CLYBL: variants seen among roughly 807,000 people sequenced by gnomAD.
The protein encoded by CLYBL is citramalyl-CoA lyase, also known as citramalyl-CoA lyase, mitochondrial.
Under a neutral mutation model 38.9 loss-of-function variants are expected in CLYBL, and 31 were observed. The observed-to-expected ratio is 0.80, with a 90% confidence interval of 0.60 to 1.08. The LOEUF is 1.08. CLYBL is among the 50% of genes least tolerant of loss of function. The pLI is 0.00. For missense variants in CLYBL, 434 were observed against 411.6 expected (o/e 1.05, Z -0.47); for synonymous variants, 171 against 158.6 (o/e 1.08, Z -0.59).
intron 2 of CLYBL, among the ~76,000 whole-genome samples, chr13:99,838,245 C>T (rs1566348134): frequency 6.6e-6 from 1 of 152,082 alleles, no homozygotes; most frequent in South Asian, 2.1e-4. Flanking sequence ...CATTTTCCTA[C>T]CATAAGATGC....
At chr13:99,848,050 C>G (rs1466324128) in intron 2 of CLYBL, among the ~76,000 whole-genome samples, 1 of 152,186 alleles carries the variant, frequency 6.6e-6, no homozygotes, top group Non-Finnish European at 1.5e-5. Context: ...TTGCTGTGTT[C>G]CCTCACTGTT....
chr13:99,707,426 C>A (rs1052646913), intron 1 of CLYBL, among the ~76,000 whole-genome samples: 1 of 152,004 alleles, frequency 6.6e-6, no homozygotes, highest in South Asian at 2.1e-4. Flanking sequence ...TGCGCCACCA[C>A]GCCCGGCTAA....
intron 2 of CLYBL, among the ~76,000 whole-genome samples, chr13:99,824,232 T>A (rs886233377): frequency 6.6e-6 from 1 of 151,800 alleles, no homozygotes; most frequent in Non-Finnish European, 1.5e-5. Flanking sequence ...TTTTTTCTAC[T>A]AGCTTGAAAG....
At chr13:99,787,264 G>A (rs1369922084) in intron 2 of CLYBL, among the ~76,000 whole-genome samples, 3 of 152,120 alleles carry the variant, frequency 2.0e-5, no homozygotes, top group South Asian at 2.1e-4. Flanking sequence ...TAGACATGAA[G>A]TCCTTGCCCA....
chr13:99,700,327 C>G (rs2048045255), intron 1 of CLYBL, among the ~76,000 whole-genome samples: 1 of 152,118 alleles, frequency 6.6e-6, no homozygotes, highest in African/African-American at 2.4e-5. Context: ...CGCCTATGAT[C>G]CCAGCTACTC....
intron 2 of CLYBL, among the ~76,000 whole-genome samples, chr13:99,785,108 A>G (rs1195495862): frequency 6.8e-6 from 1 of 146,882 alleles, no homozygotes; most frequent in Admixed American, 6.9e-5. Context: ...GGCCAGGCTC[A>G]TCTCAAACTC....
At chr13:99,786,814 C>G (rs867686441) in intron 2 of CLYBL, among the ~76,000 whole-genome samples, 181 of 152,120 alleles carry the variant, frequency 1.2e-3, no homozygotes, top group African/African-American at 3.9e-3. Context: ...CTAGTTTACA[C>G]TCCCACCAAC....
rs1458391868 is a variant in CLYBL at position 99,714,748 on chromosome 13, G to A, written c.63-58076G>A. Among the ~76,000 whole-genome samples, 9 of 152,146 alleles carry A rather than the reference G, an allele frequency of 5.9e-5. No individual in the cohort carries two copies. The East Asian group carries it at 1.7e-3, about 29-fold the overall frequency. On this transcript the variant is annotated intron_variant, in intron 1 of 8. Coordinates refer to ENST00000339105, the MANE Select transcript of CLYBL (RefSeq NM_206808.5). ...GGATCACTTGAGGTCAGGAGTTCGA[G>A]ACCAGCCTGGCCAAAATGGTGAAAC...
chr13:99,820,305 C>T (rs1594203186), intron 2 of CLYBL, among the ~76,000 whole-genome samples: 1 of 152,270 alleles, frequency 6.6e-6, no homozygotes, highest in South Asian at 2.1e-4. Flanking sequence ...TCCTGCACTC[C>T]CGTGCACTCA....
chr13:99,899,046 G>T (rs150362295), downstream of CLYBL, among the ~76,000 whole-genome samples: 1 of 152,162 alleles, frequency 6.6e-6, no homozygotes, highest in African/African-American at 2.4e-5. Flanking sequence ...GTTAGGTTAC[G>T]TGCAGACAGA....
intron 1 of CLYBL, among the ~76,000 whole-genome samples, chr13:99,768,999 A>C (rs1202617935): frequency 1.3e-5 from 2 of 152,082 alleles, no homozygotes; most frequent in African/African-American, 4.8e-5. Context: ...CCCAAGGGAG[A>C]GGGGCTTGCA....
chr13:99,680,940 T>A (rs2047725746), intron 1 of CLYBL, among the ~76,000 whole-genome samples: 1 of 152,248 alleles, frequency 6.6e-6, no homozygotes, highest in South Asian at 2.1e-4. Context: ...ATCCACACAC[T>A]CTTTCCTATT....
At chr13:99,864,941 C>CTG (rs3831038) in intron 5 of CLYBL, 30 bp downstream of exon 5, 23,196 of 1,355,436 alleles carry the variant, frequency 0.017, 170 homozygotes, top group Middle Eastern at 0.029. Flanking sequence ...CTCTCTTTTT[C>CTG]TGTGTGTGTG....
intron 1 of CLYBL, among the ~76,000 whole-genome samples, chr13:99,640,658 G>A (rs558025546): frequency 3.3e-5 from 5 of 152,294 alleles, no homozygotes; most frequent in Admixed American, 2.6e-4. Flanking sequence ...GACGCAACAT[G>A]GTTTAAAAGG....
chr13:99,684,894 AAC>A (rs2047795506), intron 1 of CLYBL, among the ~76,000 whole-genome samples: 1 of 152,252 alleles, frequency 6.6e-6, no homozygotes, highest in South Asian at 2.1e-4. Flanking sequence ...TTATAAAGAA[AAC>A]AACCAGCCAA....
In CLYBL at chr13:99,885,055, C is replaced by T. The variant is rs753321847; in HGVS notation, c.928-6263C>T. 5.1e-5 allele frequency: 27 copies of T among 528,314 alleles called. 1 individual carries two copies. The highest frequency in any genetic ancestry group is 4.7e-4 in the Admixed American group (24 of 50,866). The allele number at this position is 528,314 out of a possible 1,614,324, so 32.7% of individuals were successfully genotyped here. On this transcript the variant is annotated intron_variant, in intron 7 of 8. Coordinates refer to ENST00000339105, the MANE Select transcript of CLYBL (RefSeq NM_206808.5). ...AGGTCAGCGGTCACAGAGCATCTCC[C>T]GTGTACCTGGCAGGTACTGGGTGCT...
intron 2 of CLYBL, among the ~76,000 whole-genome samples, chr13:99,852,413 A>C (rs936389052): frequency 2.0e-5 from 3 of 152,130 alleles, no homozygotes; most frequent in African/African-American, 7.2e-5. Flanking sequence ...TTATGTTCTA[A>C]AATTGATTGT....
chr13:99,651,464 G>A (rs2047251523), intron 1 of CLYBL, among the ~76,000 whole-genome samples: 1 of 152,220 alleles, frequency 6.6e-6, no homozygotes, highest in South Asian at 2.1e-4. Flanking sequence ...CAGCTACTTG[G>A]GAGGCTGAGG....
At chr13:99,738,459 A>G (rs1345600878) in intron 1 of CLYBL, among the ~76,000 whole-genome samples, 1 of 152,188 alleles carries the variant, frequency 6.6e-6, no homozygotes, top group Non-Finnish European at 1.5e-5. Context: ...GCCACTGAGA[A>G]AGGAGACATT....
Sources: gnomAD v4.1 joint callset for allele counts (sites outside exome capture counted in the v4.1 genomes callset) on GRCh38, gnomAD v4.1.1 for gene constraint, MANE v1.5 for transcripts, NCBI Gene and HGNC (gene_info 2026-07-23, HGNC 2026-07-21) for gene names.